The following NFASC variants were observed in gnomAD, a reference collection of about 807,000 sequenced individuals.
The protein encoded by NFASC is neurofascin.
NFASC carries 43 observed loss-of-function variants against 147.5 expected under a neutral mutation model. That is an observed-to-expected ratio of 0.29 (90% CI 0.23 to 0.38). The LOEUF (loss-of-function observed/expected upper bound fraction) is 0.38, where lower values mean the gene tolerates loss of function less well. Ranked by LOEUF, NFASC falls within the 10% of genes least tolerant of loss-of-function variation. The probability of loss-of-function intolerance (pLI) is 1.00; values close to 1 mark genes in which losing one functional copy is unlikely to be tolerated. For missense variants in NFASC, 1,320 were observed against 1,689.0 expected, an observed-to-expected ratio of 0.78 and a Z score of 3.83; for synonymous variants, 622 against 665.5, an observed-to-expected ratio of 0.93 and a Z score of 1.01.
chr1:204,890,611 C>T (rs553854140), intron 1 of NFASC, among the ~76,000 whole-genome samples: 1 of 151,402 alleles, frequency 6.6e-6, no homozygotes, highest in Admixed American at 6.6e-5. Context: ...ACTCTGTCGC[C>T]CAGGCTAAAA....
At chr1:204,896,754 AATT>A (rs1478847718) in intron 1 of NFASC, among the ~76,000 whole-genome samples, 1 of 152,214 alleles carries the variant, frequency 6.6e-6, no homozygotes, top group South Asian at 2.1e-4. Context: ...CATATAAAAA[AATT>A]ATTATTATTA....
chr1:204,874,786 C>T (rs1050037419), intron 1 of NFASC, among the ~76,000 whole-genome samples: 12 of 152,164 alleles, frequency 7.9e-5, no homozygotes, highest in African/African-American at 2.9e-4. Context: ...ATAGAGTCAG[C>T]CCCACATTTA....
chr1:204,976,599 G>A (rs2095410094), intron 15 of NFASC, 72 bp from the exon 16 acceptor site: 3 of 1,184,706 alleles, frequency 2.5e-6, no homozygotes, highest in Non-Finnish European at 1.2e-6. Context: ...ACCCCCTCTA[G>A]GGAGAAAGCA....
Position 204,980,407 on chromosome 1 carries a change from G to T in NFASC, c.2214G>T (p.Gly738=). ...ESNPGDVKGE[G]TRKNNMEITW... ...ATCCTGGTGACGTGAAGGGAGAGGG[G>T]ACCAGAAAGAACAACATGGAGATCA... The change falls in exon 20 of 30, where the codon GGG becomes GGT. Residue 738 remains glycine, a synonymous_variant. Transcript: ENST00000339876. The T allele has an allele frequency of 6.2e-7, 1 of 1,613,726 alleles. No individual in the cohort carries two copies. The highest frequency in any genetic ancestry group is 1.3e-5 in the African/African-American group (1 of 75,032).
intron 1 of NFASC, among the ~76,000 whole-genome samples, chr1:204,904,183 C>T (rs1287846355): frequency 6.6e-6 from 1 of 152,188 alleles, no homozygotes; most frequent in Non-Finnish European, 1.5e-5. Context: ...CTACAGCCTC[C>T]ACCTCCCAGC....
At chr1:204,989,210 G>A (rs1472268202) in intron 23 of NFASC, 2 of 222,650 alleles carry the variant, frequency 9.0e-6, no homozygotes, top group African/African-American at 4.6e-5. Context: ...AGGGCTCTGG[G>A]GACAACCTTC....
At position 205,005,018 on chromosome 1, in the gene NFASC, A is replaced by T. The variant is rs145521811; in HGVS notation, c.3289+2270A>T. Reference sequence around the variant, plus strand: ...TGGGGTAAGGCAGGAGGATGGTGGAAGCTTAGAGTGGGCCAGCAGTCAGAT... The same window carrying T: ...TGGGGTAAGGCAGGAGGATGGTGGATGCTTAGAGTGGGCCAGCAGTCAGAT... On this transcript the variant is annotated intron_variant, in intron 27 of 29. Coordinates refer to ENST00000339876, the MANE Select transcript of NFASC (RefSeq NM_001005388.3). Among the ~76,000 whole-genome samples the T allele has an allele frequency of 3.9e-5, 6 of 152,314 alleles. No individual in the cohort carries two copies. In the East Asian group the frequency reaches 1.2e-3, roughly 29 times the overall value.
chr1:204,881,760 AG>A (rs2080289422), intron 1 of NFASC, among the ~76,000 whole-genome samples: 2 of 152,216 alleles, frequency 1.3e-5, no homozygotes, highest in South Asian at 4.1e-4. Context: ...AACTTTAGCC[AG>A]GTTCCTGAAC....
rs1328535086 is a variant in NFASC at position 205,015,070 on chromosome 1, C to G, written c.3492-1238C>G. Among the ~76,000 whole-genome samples the G allele has an allele frequency of 6.6e-6, 1 of 152,140 alleles. No individual in the cohort carries two copies. Among genetic ancestry groups the G allele is most frequent in the Non-Finnish European group, 1.5e-5 (1 of 68,028 alleles). The stretch of plus-strand genomic sequence containing the variant: ...GGGCTAATAGCTTTCAATCTTCTAA[C>G]ACAGCCCCGGCTCTGGCTCGCTGCC... On this transcript the variant is annotated intron_variant, in intron 29 of 29. Coordinates refer to ENST00000339876, the MANE Select transcript of NFASC (RefSeq NM_001005388.3). This position sits in a 1 kb window ranked among gnomAD's most constrained non-coding sequence, Gnocchi z 4.0.
At position 205,015,063 on chromosome 1, in the gene NFASC, C is replaced by G. The variant is rs546602774; in HGVS notation, c.3492-1245C>G. Among the ~76,000 whole-genome samples, 37 of 152,264 alleles carry G rather than the reference C, an allele frequency of 2.4e-4. No individual in the cohort carries two copies. The highest frequency in any genetic ancestry group is 1.6e-3 in the Admixed American group (24 of 15,302). On this transcript the variant is annotated intron_variant, in intron 29 of 29. Transcript: ENST00000339876. This position sits in a 1 kb window ranked among gnomAD's most constrained non-coding sequence, Gnocchi z 4.0. ...GGGGAGTGGGCTAATAGCTTTCAAT[C>G]TTCTAACACAGCCCCGGCTCTGGCT...
chr1:204,911,424 C>T (rs1406802191), intron 1 of NFASC, among the ~76,000 whole-genome samples: 1 of 152,074 alleles, frequency 6.6e-6, no homozygotes, highest in Non-Finnish European at 1.5e-5. Context: ...CAAGATATTG[C>T]CCAGGCTGGT....
At chr1:204,851,248 T>C (rs1255460177) in intron 1 of NFASC, among the ~76,000 whole-genome samples, 1 of 152,222 alleles carries the variant, frequency 6.6e-6, no homozygotes, top group East Asian at 1.9e-4. Context: ...ACCTTAACAT[T>C]TGATGAAATT....
Position 204,997,254 on chromosome 1 carries a change from A to G in NFASC, c.2867A>G (p.Glu956Gly). 1 of 1,613,536 alleles carries G rather than the reference A, an allele frequency of 6.2e-7. No homozygotes were observed. The highest frequency in any genetic ancestry group is 1.3e-5 in the African/African-American group (1 of 74,928). ...GCTACTGCCATTGCTGCCACCACCG[A>G]AGCCACAACAGTCCCCATCATCCCA... is the stretch of plus-strand genomic sequence containing the variant. Reference protein sequence around the residue: ...TDATAIAATTEATTVPIIPTV... With the variant: ...TDATAIAATTGATTVPIIPTV... The change falls in exon 25 of 30, where the codon GAA becomes GGA. Residue 956 changes from glutamate (E) to glycine (G), a missense_variant. Transcript: ENST00000339876.
At position 204,878,530 on chromosome 1, in the gene NFASC, G is replaced by T. The variant is rs184496505; in HGVS notation, c.-199-42102G>T. On this transcript the variant is annotated intron_variant, in intron 1 of 29. Coordinates refer to ENST00000339876, the MANE Select transcript of NFASC (RefSeq NM_001005388.3). Reference sequence around the variant, plus strand: ...ATAATTTGGAAAGAAAACCCCTTGGGCTTTCTTGCCCTAGTTCTGGTAAAA... The same window carrying T: ...ATAATTTGGAAAGAAAACCCCTTGGTCTTTCTTGCCCTAGTTCTGGTAAAA... Among the ~76,000 whole-genome samples, 110 of 152,294 alleles carry T rather than the reference G, an allele frequency of 7.2e-4. 1 individual carries two copies. The highest frequency in any genetic ancestry group is 3.9e-3 in the South Asian group (19 of 4,818).
rs2150775807 is a variant in NFASC at position 204,996,806 on chromosome 1, G to C, written c.2783-364G>C. Among the ~76,000 whole-genome samples, 3 of 152,278 alleles carry C rather than the reference G, an allele frequency of 2.0e-5. No homozygotes were observed. In the East Asian group the frequency reaches 5.8e-4, roughly 29 times the overall value. Reference sequence around the variant, plus strand: ...ACTGGTGCTGCTTGGGCCTGTGTCTGGGTGGCATCTGGCCAGTGTTTGGCC... The same window carrying C: ...ACTGGTGCTGCTTGGGCCTGTGTCTCGGTGGCATCTGGCCAGTGTTTGGCC... On this transcript the variant is annotated intron_variant, in intron 24 of 29. Transcript: ENST00000339876.
chr1:204,861,757 G>T (rs2076696996), intron 1 of NFASC, among the ~76,000 whole-genome samples: 1 of 152,204 alleles, frequency 6.6e-6, no homozygotes, highest in African/African-American at 2.4e-5. Flanking sequence ...CCAAAGTGCT[G>T]GGATTACAGG....
intron 1 of NFASC, among the ~76,000 whole-genome samples, chr1:204,912,587 C>T (rs1287727895): frequency 2.8e-4 from 42 of 151,972 alleles, no homozygotes; most frequent in Non-Finnish European, 1.0e-4. Flanking sequence ...TCTGTGGTCC[C>T]AGCTGCTCAG....
chr1:204,869,333 T>G (rs961943039), intron 1 of NFASC, among the ~76,000 whole-genome samples: 1 of 152,158 alleles, frequency 6.6e-6, no homozygotes, highest in Non-Finnish European at 1.5e-5. Context: ...TTAACAAAAG[T>G]GATTTATGTT....
intron 8 of NFASC, among the ~76,000 whole-genome samples, chr1:204,958,207 C>A (rs554313105): frequency 2.0e-5 from 3 of 152,334 alleles, no homozygotes; most frequent in African/African-American, 7.2e-5. Context: ...CAGTGGTCAT[C>A]TAGAACCCCT....
Sources: gnomAD v4.1 joint callset for allele counts (sites outside exome capture counted in the v4.1 genomes callset) on GRCh38, gnomAD v4.1.1 for gene constraint, Gnocchi (gnomAD v3.1) non-coding constraint, MANE v1.5 for transcripts, NCBI Gene and HGNC (gene_info 2026-07-23, HGNC 2026-07-21) for gene names.